The following CDH12 variants were observed in gnomAD, a reference collection of about 807,000 sequenced individuals.
CDH12 encodes the protein cadherin-12.
A neutral mutation model predicts 74.1 loss-of-function variants in CDH12; 41 were observed. The ratio of observed to expected loss-of-function variants is 0.55; its 90% CI spans 0.43 to 0.72. The LOEUF is 0.72. CDH12 is among the 30% of genes least tolerant of loss of function. The pLI, the probability that CDH12 is intolerant of heterozygous loss-of-function variation, is 0.00. For missense variants in CDH12, 945 were observed against 977.2 expected (o/e 0.97, Z 0.44); for synonymous variants, 399 against 355.0 (o/e 1.12, Z -1.39).
At chr5:22,024,413 A>T (rs1260733170) in intron 5 of CDH12, among the ~76,000 whole-genome samples, 3 of 152,206 alleles carry the variant, frequency 2.0e-5, no homozygotes, top group Admixed American at 2.0e-4. Context: ...ACTATTTCTA[A>T]AAAATCTAGC....
At chr5:22,107,495 C>CATATAATTATTATATGTATATATACAT (rs1744539924) in intron 4 of CDH12, among the ~76,000 whole-genome samples, 4 of 150,224 alleles carry the variant, frequency 2.7e-5, no homozygotes, top group African/African-American at 4.9e-5. Flanking sequence ...TATATATACA[C>CATATAATTATTATATGTATATATACAT]ATATAATAAT....
At chr5:22,410,360 C>G (rs1034081748) in intron 2 of CDH12, among the ~76,000 whole-genome samples, 6 of 152,082 alleles carry the variant, frequency 3.9e-5, no homozygotes, top group African/African-American at 1.4e-4. Context: ...TCTGACCTAT[C>G]TTGTTTGACT....
At chr5:22,645,501 T>A (rs528560635) in intron 1 of CDH12, among the ~76,000 whole-genome samples, 1 of 152,134 alleles carries the variant, frequency 6.6e-6, no homozygotes, top group Admixed American at 6.5e-5. Flanking sequence ...TGTGAAGGAA[T>A]CTACTTCTGG....
chr5:21,822,690 G>T (rs146405303), intron 8 of CDH12, among the ~76,000 whole-genome samples: 74 of 152,164 alleles, frequency 4.9e-4, no homozygotes, highest in Non-Finnish European at 8.4e-4. Context: ...TAGTTTTTAA[G>T]TGTCAAGTAT....
intron 1 of CDH12, among the ~76,000 whole-genome samples, chr5:22,603,105 C>T (rs1464135824): frequency 6.6e-6 from 1 of 152,090 alleles, no homozygotes; most frequent in East Asian, 1.9e-4. Flanking sequence ...TATAGATCAT[C>T]TAGTCCATTT....
At chr5:22,283,245 T>TATAGATATATATATATATAG (rs1736987472) in intron 3 of CDH12, among the ~76,000 whole-genome samples, 1 of 115,158 alleles carries the variant, frequency 8.7e-6, no homozygotes, top group African/African-American at 3.5e-5. Context: ...TATATATATA[T>TATAGATATATATATATATAG]ATATATACAC....
At chr5:22,399,084 T>C (rs1417003664) in intron 3 of CDH12, among the ~76,000 whole-genome samples, 1 of 152,108 alleles carries the variant, frequency 6.6e-6, no homozygotes, top group Non-Finnish European at 1.5e-5. Flanking sequence ...GCTAGTGTAT[T>C]TGTGTGTATG....
chr5:22,734,939 T>G (rs1473810673), intron 1 of CDH12, among the ~76,000 whole-genome samples: 1 of 151,948 alleles, frequency 6.6e-6, no homozygotes, highest in African/African-American at 2.4e-5. Context: ...ACATTGTTCC[T>G]TCAAAAACAG....
At chr5:22,027,863 A>G (rs1580134244) in intron 5 of CDH12, among the ~76,000 whole-genome samples, 2 of 151,972 alleles carry the variant, frequency 1.3e-5, no homozygotes, top group African/African-American at 4.8e-5. Flanking sequence ...CTAGCTTTCG[A>G]ATGTGTTTGC....
intron 1 of CDH12, among the ~76,000 whole-genome samples, chr5:22,780,589 G>A (rs560480325): frequency 5.7e-4 from 86 of 151,878 alleles, no homozygotes; most frequent in Non-Finnish European, 9.6e-4. Flanking sequence ...ATTCACTATC[G>A]CAAGAACAGC....
chr5:22,057,880 G>C (rs924479035), intron 5 of CDH12, among the ~76,000 whole-genome samples: 3 of 152,140 alleles, frequency 2.0e-5, no homozygotes, highest in African/African-American at 4.8e-5. Context: ...CAAAGGGTAC[G>C]TGAGGATTCA....
chr5:22,002,663 G>A (rs1460901950), intron 5 of CDH12, among the ~76,000 whole-genome samples: 1 of 152,010 alleles, frequency 6.6e-6, no homozygotes. Flanking sequence ...TTAGGGACAT[G>A]TGGGTGACTC....
chr5:21,788,308 G>T (rs1746306824), intron 10 of CDH12, among the ~76,000 whole-genome samples: 1 of 152,156 alleles, frequency 6.6e-6, no homozygotes. Context: ...CCAAGAGGAG[G>T]TTGAAGCAGA....
intron 1 of CDH12, among the ~76,000 whole-genome samples, chr5:22,816,656 G>T (rs1561051918): frequency 6.6e-6 from 1 of 152,050 alleles, no homozygotes; most frequent in Non-Finnish European, 1.5e-5. Flanking sequence ...CATTGATTAG[G>T]TATGACCCAT....
intron 1 of CDH12, among the ~76,000 whole-genome samples, chr5:22,553,889 C>T (rs382772): frequency 2.6e-5 from 4 of 152,134 alleles, no homozygotes; most frequent in Non-Finnish European, 4.4e-5. Flanking sequence ...TTGCAACCTG[C>T]TGTCAAAAAC....
At chr5:22,376,768 C>T (rs1395091267) in intron 3 of CDH12, among the ~76,000 whole-genome samples, 1 of 150,312 alleles carries the variant, frequency 6.7e-6, no homozygotes, top group Non-Finnish European at 1.5e-5. Flanking sequence ...AGTGATCCTG[C>T]CACCTCAGCC....
chr5:21,888,580 T>C (rs372791031), intron 6 of CDH12, among the ~76,000 whole-genome samples: 13 of 103,644 alleles, frequency 1.3e-4, no homozygotes, highest in African/African-American at 4.0e-4. Context: ...CCCTAGAACT[T>C]AAAGTATAAT....
intron 9 of CDH12, among the ~76,000 whole-genome samples, chr5:21,805,459 A>T (rs1323783761): frequency 6.6e-6 from 1 of 152,148 alleles, no homozygotes; most frequent in East Asian, 1.9e-4. Context: ...AGACAGAGTA[A>T]GATAAAAGAA....
chr5:22,603,801 C>T (rs1268392546), intron 1 of CDH12, among the ~76,000 whole-genome samples: 2 of 151,942 alleles, frequency 1.3e-5, no homozygotes, highest in Non-Finnish European at 2.9e-5. Flanking sequence ...AAGAGATGAA[C>T]CATTATAGAT....
Sources: allele counts gnomAD v4.1 joint callset (sites outside exome capture counted in the v4.1 genomes callset), GRCh38; gene constraint gnomAD v4.1.1; transcripts MANE v1.5; gene names NCBI Gene and HGNC (gene_info 2026-07-23, HGNC 2026-07-21).